Variants in ANGPT1 observed in about 807,000 individuals in gnomAD.
The protein encoded by ANGPT1 is angiopoietin 1, also known as angiopoietin-1.
Under a neutral mutation model 62.2 loss-of-function variants are expected in ANGPT1, and 17 were observed. The ratio of observed to expected loss-of-function variants is 0.27; its 90% confidence interval spans 0.19 to 0.41. The LOEUF is 0.41. Ranked by LOEUF, ANGPT1 falls within the 10% of genes least tolerant of loss-of-function variation. ANGPT1 has a pLI of 1.00. For missense variants in ANGPT1, 478 were observed against 594.9 expected (o/e 0.80, Z 2.04); for synonymous variants, 199 against 198.9 (o/e 1.00, Z 0.00).
chr8:107,397,491 G>A (rs1214663056), intron 1 of ANGPT1, among the ~76,000 whole-genome samples: 1 of 151,908 alleles, frequency 6.6e-6, no homozygotes, highest in African/African-American at 2.4e-5. Context: ...TAAGTCACAA[G>A]TCTGTGATAA....
chr8:107,436,920 G>A (rs908435255), intron 1 of ANGPT1, among the ~76,000 whole-genome samples: 41 of 152,126 alleles, frequency 2.7e-4, no homozygotes, highest in African/African-American at 9.4e-4. Context: ...AATATAAAAT[G>A]GAAAATTATA....
intron 1 of ANGPT1, among the ~76,000 whole-genome samples, chr8:107,465,270 G>A (rs775497964): frequency 6.6e-6 from 1 of 152,082 alleles, no homozygotes; most frequent in Non-Finnish European, 1.5e-5. Context: ...CAAATGCATT[G>A]TTAAAGAAAA....
intron 4 of ANGPT1, among the ~76,000 whole-genome samples, chr8:107,311,503 T>C (rs779094689): frequency 1.6e-4 from 24 of 152,176 alleles, no homozygotes; most frequent in Non-Finnish European, 3.2e-4. Flanking sequence ...TAATTGCAGA[T>C]ATACAAATTT....
chr8:107,356,899 T>G (rs1283653), intron 1 of ANGPT1, among the ~76,000 whole-genome samples: 55,869 of 152,136 alleles, frequency 0.37, 11,259 homozygotes, highest in Non-Finnish European at 0.46. Context: ...CTTTACCATA[T>G]TTTCAGACAT....
intron 1 of ANGPT1, among the ~76,000 whole-genome samples, chr8:107,411,275 T>C (rs1484060383): frequency 6.6e-6 from 1 of 152,178 alleles, no homozygotes; most frequent in East Asian, 1.9e-4. Context: ...CCAAATTATT[T>C]CAGCTGGTAT....
intron 8 of ANGPT1, among the ~76,000 whole-genome samples, chr8:107,258,352 T>C (rs1322565655): frequency 6.6e-6 from 1 of 152,230 alleles, no homozygotes; most frequent in Non-Finnish European, 1.5e-5. Flanking sequence ...TATTGTAGTC[T>C]GTATTTCCAA....
chr8:107,327,943 T>C (rs1218831209), intron 3 of ANGPT1, among the ~76,000 whole-genome samples: 1 of 152,132 alleles, frequency 6.6e-6, no homozygotes, highest in African/African-American at 2.4e-5. Context: ...AACATCTTAT[T>C]GGAAATATTT....
chr8:107,375,311 A>T (rs1287224284), intron 1 of ANGPT1, among the ~76,000 whole-genome samples: 1 of 152,208 alleles, frequency 6.6e-6, no homozygotes, highest in Non-Finnish European at 1.5e-5. Flanking sequence ...TATTTTTTTA[A>T]AAAAGAAATG....
At chr8:107,421,626 A>G (rs1467265816) in intron 1 of ANGPT1, among the ~76,000 whole-genome samples, 1 of 152,198 alleles carries the variant, frequency 6.6e-6, no homozygotes, top group Non-Finnish European at 1.5e-5. Context: ...GCATCTGTCA[A>G]TATCAGGTCC....
At chr8:107,268,546 G>A (rs1456701183) in intron 7 of ANGPT1, among the ~76,000 whole-genome samples, 1 of 151,646 alleles carries the variant, frequency 6.6e-6, no homozygotes, top group Non-Finnish European at 1.5e-5. Context: ...GCATTATGCA[G>A]ATAGAATAAA....
chr8:107,484,656 T>C (rs1487869214), intron 1 of ANGPT1, among the ~76,000 whole-genome samples: 2 of 152,182 alleles, frequency 1.3e-5, no homozygotes, highest in Non-Finnish European at 2.9e-5. Flanking sequence ...TCCACCAGTC[T>C]TGGCCTCCGA....
intron 1 of ANGPT1, among the ~76,000 whole-genome samples, chr8:107,423,250 C>T (rs1200857390): frequency 6.6e-6 from 1 of 152,190 alleles, no homozygotes; most frequent in African/African-American, 2.4e-5. Context: ...TTTACTAGCA[C>T]AATACTGACT....
intron 2 of ANGPT1, among the ~76,000 whole-genome samples, chr8:107,342,142 T>G (rs934473152): frequency 1.3e-4 from 20 of 152,228 alleles, no homozygotes; most frequent in African/African-American, 4.6e-4. Flanking sequence ...TGCAGTAGAC[T>G]GCTTCTGTTC....
intron 7 of ANGPT1, among the ~76,000 whole-genome samples, chr8:107,274,256 T>C (rs993511581): frequency 1.3e-5 from 2 of 152,074 alleles, no homozygotes; most frequent in Non-Finnish European, 2.9e-5. Context: ...ATTCAAGAAA[T>C]AAAACAACTG....
chr8:107,496,386 T>A (rs1334105681), intron 1 of ANGPT1, among the ~76,000 whole-genome samples: 1 of 152,226 alleles, frequency 6.6e-6, no homozygotes, highest in Non-Finnish European at 1.5e-5. Flanking sequence ...AATAACTGGA[T>A]AAACTATTCG....
intron 1 of ANGPT1, among the ~76,000 whole-genome samples, chr8:107,361,567 TC>T (rs1816165774): frequency 4.6e-5 from 1 of 21,782 alleles, no homozygotes; most frequent in Non-Finnish European, 1.1e-4. Flanking sequence ...ATATTATATA[TC>T]AATATAGAAT....
At chr8:107,316,586 T>A (rs1417135195) in intron 4 of ANGPT1, among the ~76,000 whole-genome samples, 3 of 152,166 alleles carry the variant, frequency 2.0e-5, no homozygotes, top group African/African-American at 7.2e-5. Flanking sequence ...TACAGTATAT[T>A]TTTCCTACAT....
At chr8:107,367,298 AC>A (rs1297934547) in intron 1 of ANGPT1, among the ~76,000 whole-genome samples, 1 of 152,200 alleles carries the variant, frequency 6.6e-6, no homozygotes, top group African/African-American at 2.4e-5. Context: ...TGCCTAAAAA[AC>A]AAGGTACATA....
intron 1 of ANGPT1, among the ~76,000 whole-genome samples, chr8:107,399,491 T>C (rs891273440): frequency 2.6e-5 from 4 of 152,180 alleles, no homozygotes; most frequent in African/African-American, 9.7e-5. Context: ...CTCCCAAAAT[T>C]GTTTATGTCA....
Sources: gnomAD v4.1 joint callset for allele counts (sites outside exome capture counted in the v4.1 genomes callset) on GRCh38, gnomAD v4.1.1 for gene constraint, MANE v1.5 for transcripts, NCBI Gene and HGNC (gene_info 2026-07-23, HGNC 2026-07-21) for gene names.